MAD1L1: variants seen among roughly 807,000 people sequenced by gnomAD.
MAD1L1 encodes the protein mitotic arrest deficient 1 like 1.
In MAD1L1, 95 loss-of-function variants were observed where a neutral mutation model predicts 96.9. The ratio of observed to expected loss-of-function variants is 0.98; its 90% CI spans 0.83 to 1.16. The LOEUF (loss-of-function observed/expected upper bound fraction) is 1.16. Among genes scored for constraint, MAD1L1 ranks in the 50% most tolerant of loss-of-function variants. MAD1L1 has a pLI of 0.00. For synonymous variants in MAD1L1, 473 were observed against 396.6 expected, an observed-to-expected ratio of 1.19 and a Z score of -2.29; for missense variants, 1,007 against 954.4, an observed-to-expected ratio of 1.06 and a Z score of -0.73.
At chr7:1,886,992 A>G (rs569986271) in intron 18 of MAD1L1, among the ~76,000 whole-genome samples, 81 of 152,380 alleles carry the variant, frequency 5.3e-4, no homozygotes, top group African/African-American at 1.7e-3. Context: ...CAGTGACCGC[A>G]TGGCAGCGGC....
chr7:2,096,534 G>A (rs958926117), intron 11 of MAD1L1, among the ~76,000 whole-genome samples: 1 of 152,064 alleles, frequency 6.6e-6, no homozygotes, highest in African/African-American at 2.4e-5. Flanking sequence ...ATTTTATTCT[G>A]TGTGTGCATT....
chr7:2,172,492 A>G lies in MAD1L1; in HGVS notation c.987-23254T>C, dbSNP rs1046570785. ...AGAACATCCACGCCTCCTCAGGACA[A>G]AGGGCTCCTCTGGGAAAAGGCACAA... On this transcript the variant is annotated intron_variant, in intron 10 of 18. Coordinates refer to ENST00000265854, the MANE Select transcript of MAD1L1 (RefSeq NM_001013836.2). Among the ~76,000 whole-genome samples, 27 of 152,174 alleles carry G rather than the reference A, an allele frequency of 1.8e-4. 2 individuals carry two copies. The highest frequency in any genetic ancestry group is 1.5e-5 in the Non-Finnish European group (1 of 68,028).
intron 11 of MAD1L1, among the ~76,000 whole-genome samples, chr7:2,133,725 A>C (rs904724034): frequency 6.6e-6 from 1 of 152,206 alleles, no homozygotes; most frequent in African/African-American, 2.4e-5. Context: ...TTTTTGAGGA[A>C]GGTGTAAGGT....
At chr7:1,845,079 T>C (rs1390958038) in intron 18 of MAD1L1, among the ~76,000 whole-genome samples, 1 of 152,236 alleles carries the variant, frequency 6.6e-6, no homozygotes, top group African/African-American at 2.4e-5. Context: ...AGGCAGGCCC[T>C]GACTGCAGCG....
At chr7:1,976,614 C>A (rs769382608) in intron 15 of MAD1L1, among the ~76,000 whole-genome samples, 5 of 152,232 alleles carry the variant, frequency 3.3e-5, no homozygotes, top group Admixed American at 2.6e-4. Context: ...GGGACCCCAG[C>A]GGGTTGCCGC....
chr7:1,839,741 C>A (rs907822763), intron 18 of MAD1L1, among the ~76,000 whole-genome samples: 2 of 152,096 alleles, frequency 1.3e-5, no homozygotes, highest in Admixed American at 1.3e-4. Context: ...ACATCCCCCC[C>A]GCCTCCCCCC....
intron 15 of MAD1L1, among the ~76,000 whole-genome samples, chr7:1,965,701 G>A (rs1234471280): frequency 1.3e-5 from 2 of 152,262 alleles, no homozygotes; most frequent in East Asian, 3.8e-4. Context: ...CAGGGAGCCT[G>A]AGGCAGGAGC....
At chr7:2,033,452 C>T (rs995807621) in intron 12 of MAD1L1, among the ~76,000 whole-genome samples, 10 of 152,202 alleles carry the variant, frequency 6.6e-5, no homozygotes, top group Non-Finnish European at 1.2e-4. Flanking sequence ...CCAACACCTC[C>T]GTGGGTCCCA....
chr7:1,895,212 A>C (rs1394875351), intron 18 of MAD1L1, among the ~76,000 whole-genome samples: 1 of 152,132 alleles, frequency 6.6e-6, no homozygotes, highest in Admixed American at 6.5e-5. Context: ...TCCTGCGGGG[A>C]CTTCACTGCT....
chr7:2,219,891 G>A (rs1793503527), intron 5 of MAD1L1, among the ~76,000 whole-genome samples: 1 of 152,150 alleles, frequency 6.6e-6, no homozygotes. Context: ...GCTTGGTGAG[G>A]CGGCTTCAGA....
In MAD1L1 at chr7:2,215,653, G is replaced by A. The variant is rs773709548; in HGVS notation, c.924+232C>T. Among the ~76,000 whole-genome samples the A allele has an allele frequency of 4.6e-5, 7 of 152,226 alleles. No homozygotes were observed. The South Asian group carries it at 1.2e-3, about 27-fold the overall frequency. On this transcript the variant is annotated intron_variant, in intron 9 of 18. Transcript: ENST00000265854. Reference sequence around the variant, plus strand: ...CAGGATGGCCCAGGAGCCCCTCCCCGCCGTGGGCCAGCTGACCAGTCACCT... The same window carrying A: ...CAGGATGGCCCAGGAGCCCCTCCCCACCGTGGGCCAGCTGACCAGTCACCT...
chr7:2,222,720 C>A lies in MAD1L1; in HGVS notation c.326G>T (p.Arg109Leu). 1 of 1,607,542 alleles carries A rather than the reference C, an allele frequency of 6.2e-7. No individual in the cohort carries two copies. Among genetic ancestry groups the A allele is most frequent in the Non-Finnish European group, 8.5e-7 (1 of 1,179,226 alleles). The change falls in exon 5 of 19, where the codon CGC (arginine) becomes CTC (leucine). Residue 109 changes from arginine (R) to leucine (L), a missense_variant. Transcript: ENST00000265854. Reference sequence around the variant, plus strand: ...CTCCCGCTCCTGAAGCTGCCGGATGCGCGTCAGGAGCTCCTGGTTGCGGTC... The same window carrying A: ...CTCCCGCTCCTGAAGCTGCCGGATGAGCGTCAGGAGCTCCTGGTTGCGGTC... ...EVDRNQELLT[R>L]IRQLQEREAG...
At chr7:2,109,360 C>T (rs1249566473) in intron 11 of MAD1L1, 1 of 152,290 alleles carries the variant, frequency 6.6e-6, no homozygotes. Context: ...CCGCAGGGAA[C>T]ACGGCAACAC....
At chr7:2,129,649 G>C (rs1024030731) in intron 11 of MAD1L1, among the ~76,000 whole-genome samples, 2 of 152,240 alleles carry the variant, frequency 1.3e-5, no homozygotes, top group Admixed American at 1.3e-4. Context: ...TCTCCCTGAC[G>C]AGAGCAAGGT....
intron 17 of MAD1L1, among the ~76,000 whole-genome samples, chr7:1,906,889 C>T (rs1030615714): frequency 4.6e-5 from 7 of 152,216 alleles, no homozygotes; most frequent in African/African-American, 1.7e-4. Flanking sequence ...GCTGAACGTC[C>T]GTTTATCCCC....
At chr7:2,230,857 T>A (rs1794158318) in intron 1 of MAD1L1, 130 bp from the exon 2 acceptor site, 2 of 152,256 alleles carry the variant, frequency 1.3e-5, no homozygotes, top group Non-Finnish European at 2.9e-5. Flanking sequence ...TGAGGATGGA[T>A]CTTCAGCACC....
intron 10 of MAD1L1, among the ~76,000 whole-genome samples, chr7:2,196,672 T>C (rs1245232984): frequency 6.6e-6 from 1 of 152,206 alleles, no homozygotes; most frequent in African/African-American, 2.4e-5. Context: ...CCACAGACAC[T>C]GTGGTCACAA....
At chr7:2,004,955 C>T (rs1396611101) in intron 13 of MAD1L1, among the ~76,000 whole-genome samples, 1 of 152,212 alleles carries the variant, frequency 6.6e-6, no homozygotes. Context: ...CAGTCGCTGG[C>T]GAAAGGTGAC....
intron 15 of MAD1L1, among the ~76,000 whole-genome samples, chr7:1,969,318 G>A (rs182173193): frequency 3.1e-4 from 47 of 152,250 alleles, no homozygotes; most frequent in Non-Finnish European, 4.9e-4. Flanking sequence ...GGAGGCAGAG[G>A]TTGCAGTGAG....
Sources: allele counts gnomAD v4.1 joint callset (sites outside exome capture counted in the v4.1 genomes callset), GRCh38; gene constraint gnomAD v4.1.1; transcripts MANE v1.5; gene names NCBI Gene and HGNC (gene_info 2026-07-23, HGNC 2026-07-21).